RALGDS: variants seen among roughly 807,000 people sequenced by gnomAD.
RALGDS encodes the protein ral guanine nucleotide dissociation stimulator.
RALGDS carries 44 observed loss-of-function variants against 99.8 expected under a neutral mutation model. The observed-to-expected ratio is 0.44, with a 90% CI of 0.35 to 0.57. RALGDS has a LOEUF of 0.57. Among genes scored for constraint, RALGDS ranks in the 20% least tolerant of loss-of-function variants. RALGDS has a pLI of 0.01. For synonymous variants in RALGDS, 529 were observed against 505.0 expected (o/e 1.05, Z -0.64); for missense variants, 1,022 against 1,203.1 (o/e 0.85, Z 2.23).
Position 133,102,715 on chromosome 9 carries a change from C to T in RALGDS, c.1913+64G>A, listed in dbSNP as rs1217256260. 4.4e-6 allele frequency: 7 copies of T among 1,602,508 alleles called. No homozygotes were observed. In the African/African-American group the frequency reaches 6.7e-5, roughly 15 times the overall value. On this transcript the variant is annotated intron_variant, in intron 13 of 17. Coordinates refer to ENST00000372050, the MANE Select transcript of RALGDS (RefSeq NM_006266.4). ...CTGACCATGGGTCATAGCTGCTGGCCCTCTGGAGCTGGCCCCCTAGGACAG... is the reference window on the plus strand; with the variant it reads ...CTGACCATGGGTCATAGCTGCTGGCTCTCTGGAGCTGGCCCCCTAGGACAG...
At chr9:133,141,884 C>T (rs759098776) in intron 1 of RALGDS, among the ~76,000 whole-genome samples, 39 of 152,254 alleles carry the variant, frequency 2.6e-4, no homozygotes, top group Admixed American at 8.5e-4. Context: ...GTCCCCTGTT[C>T]CAAGGGCTGT....
At chr9:133,101,426 A>G in intron 16 of RALGDS, 94 bp downstream of exon 16, 1 of 1,596,410 alleles carries the variant, frequency 6.3e-7, no homozygotes, top group East Asian at 2.2e-5. Flanking sequence ...GCCAACTACA[A>G]GGTAGACCCC....
At chr9:133,106,977 T>C in intron 7 of RALGDS, 108 bp downstream of exon 7, 1 of 1,248,898 alleles carries the variant, frequency 8.0e-7, no homozygotes, top group South Asian at 1.2e-5. Context: ...AAGGCCAGCA[T>C]GCCCCTGGGA....
At chr9:133,100,110 A>T in intron 17 of RALGDS, 158 bp downstream of exon 17, 1 of 749,040 alleles carries the variant, frequency 1.3e-6, no homozygotes, top group Non-Finnish European at 2.4e-6. Flanking sequence ...GTTGCTGGGG[A>T]CAGCAAGCAG....
upstream of RALGDS, among the ~76,000 whole-genome samples, chr9:133,122,707 ATG>A (rs1333870806): frequency 1.3e-5 from 2 of 152,198 alleles, no homozygotes; most frequent in African/African-American, 4.8e-5. Flanking sequence ...AATCAGCTCT[ATG>A]TGATAAATGC....
intron 1 of RALGDS, 114 bp downstream of exon 1, chr9:133,120,858 G>T: frequency 1.7e-6 from 2 of 1,191,990 alleles, no homozygotes; most frequent in South Asian, 1.9e-5. Flanking sequence ...AGAGGAGGGA[G>T]GCGGCCCGCT....
At chr9:133,136,010 T>G (rs1276604883), upstream of RALGDS, among the ~76,000 whole-genome samples, 3 of 152,136 alleles carry the variant, frequency 2.0e-5, no homozygotes, top group African/African-American at 7.2e-5. Context: ...GTAACAGAGT[T>G]TGTAGCCTGC....
At chr9:133,120,428 A>ACCCCCC (rs71378548) in intron 1 of RALGDS, among the ~76,000 whole-genome samples, 21 of 60,024 alleles carry the variant, frequency 3.5e-4, no homozygotes, top group Admixed American at 8.5e-4. Flanking sequence ...CCATCCCCCG[A>ACCCCCC]CCCCCCCCCC....
At chr9:133,141,001 A>C (rs1346492131) in intron 1 of RALGDS, among the ~76,000 whole-genome samples, 25 of 152,130 alleles carry the variant, frequency 1.6e-4, no homozygotes, top group Admixed American at 1.6e-3. Context: ...CCCCAAGTGA[A>C]CATACGAGCC....
In RALGDS at chr9:133,102,855, T is replaced by G; in HGVS notation, c.1837A>C (p.Asn613His). The change falls in exon 13 of 18, where the codon AAC becomes CAC. Residue 613 changes from asparagine to histidine, a missense_variant. Physicochemically the swap from Asn to His is moderately conservative, Grantham distance 68. This residue lies in a region of RALGDS where 825 missense variants were observed against 994.5 expected (regional missense o/e 0.83). Coordinates refer to ENST00000372050, the MANE Select transcript of RALGDS (RefSeq NM_006266.4). ...TCATCTGGCGCGATGCTGTAGTTGTTGCAGGCCGACTGCAGCAGCTTGATC... is the reference window on the plus strand; with the variant it reads ...TCATCTGGCGCGATGCTGTAGTTGTGGCAGGCCGACTGCAGCAGCTTGATC... ...AQIKLLQSAC[N>H]NYSIAPDEQF... The G allele has an allele frequency of 6.2e-7, 1 of 1,613,714 alleles. No homozygotes were observed. The highest frequency in any genetic ancestry group is 1.3e-5 in the African/African-American group (1 of 75,070).
chr9:133,137,583 A>G (rs897832518), intron 1 of RALGDS, among the ~76,000 whole-genome samples: 1 of 152,226 alleles, frequency 6.6e-6, no homozygotes, highest in Non-Finnish European at 1.5e-5. Context: ...CCCCCCAGGA[A>G]CCAGGCTGAG....
intron 1 of RALGDS, chr9:133,129,449 C>T: frequency 7.2e-7 from 1 of 1,388,912 alleles, no homozygotes; most frequent in Non-Finnish European, 9.3e-7. Flanking sequence ...GGCTGTCATA[C>T]CTGCTGCTGT....
intron 1 of RALGDS, among the ~76,000 whole-genome samples, chr9:133,128,688 GCT>G (rs2119242984): frequency 6.6e-6 from 1 of 152,314 alleles, no homozygotes; most frequent in East Asian, 1.9e-4. Context: ...TCCAGTGCCT[GCT>G]CTGTGTCTTC....
In RALGDS at chr9:133,131,072, C is replaced by T. The variant is rs760662249; in HGVS notation, c.12G>A (p.Trp4Ter). 234 of 1,504,976 alleles carry T rather than the reference C, an allele frequency of 1.6e-4. No individual in the cohort carries two copies. The African/African-American group carries it at 2.7e-3, about 18-fold the overall frequency. 93.2% of individuals were successfully genotyped at this position (1,504,976 alleles called of 1,614,324 possible). The change falls in exon 1 of 18, where the codon TGG (tryptophan) becomes TGA (stop). Residue 4 changes from tryptophan (W) to a stop codon, truncating the protein, a stop_gained. Coordinates refer to the RALGDS transcript ENST00000372062. LOFTEE classifies it high-confidence loss of function. ...TGTGGGCAGGGGCTGTGGAGTGCCC[C>T]CACAGGCACATCAGGCCCTGGGGCC...
At chr9:133,131,923 G>A (rs577692621), upstream of RALGDS, among the ~76,000 whole-genome samples, 5 of 152,340 alleles carry the variant, frequency 3.3e-5, no homozygotes, top group African/African-American at 9.6e-5. Context: ...CGTGCTTGGC[G>A]GATGTGCAAT....
upstream of RALGDS, among the ~76,000 whole-genome samples, chr9:133,125,142 A>T (rs960734069): frequency 6.6e-5 from 10 of 152,140 alleles, no homozygotes; most frequent in Non-Finnish European, 1.5e-4. Flanking sequence ...ACAACTGTTT[A>T]AAAAAAACAA....
rs559655866 is a variant in RALGDS, at chr9:133,098,335, C to T, written c.*252G>A. ...CACCATGCCATGCCCGTTGGCACTG[C>T]TCCTTGGCAAAAGTCAGCTAGTCCT... On this transcript the variant is annotated 3_prime_UTR_variant, in exon 18 of 18. Transcript: ENST00000372050. The T allele has an allele frequency of 2.7e-5, 15 of 545,924 alleles. No homozygotes were observed. Among genetic ancestry groups the T allele is most frequent in the Admixed American group, 6.2e-5 (2 of 32,022 alleles). The allele number at this position is 545,924 out of a possible 1,614,324, so 33.8% of individuals were successfully genotyped here.
At chr9:133,139,469 T>C (rs1294983053) in intron 1 of RALGDS, among the ~76,000 whole-genome samples, 2 of 152,090 alleles carry the variant, frequency 1.3e-5, no homozygotes, top group Non-Finnish European at 2.9e-5. Flanking sequence ...ACCTGCCCAC[T>C]ACCCCCAGCT....
At position 133,103,763 on chromosome 9, in the gene RALGDS, A is replaced by C; in HGVS notation, c.1742T>G (p.Met581Arg). ...CACACTCACATACAGATAGTCCTTC[A>C]TGGCAGTGTCCAGCATCACCAGGTC... ...LTDLVMLDTA[M>R]KDYLYGRLIN... Residue 581 changes from methionine to arginine, a missense_variant, in exon 11 of 18, where the codon ATG (methionine) becomes AGG (arginine). Met to Arg is a moderately conservative substitution (Grantham distance 91). This residue lies in a region of RALGDS where 825 missense variants were observed against 994.5 expected (regional missense o/e 0.83). Transcript: ENST00000372050. 6.2e-7 allele frequency: 1 copy of C among 1,613,208 alleles called. No individual in the cohort carries two copies. Among genetic ancestry groups the C allele is most frequent in the Non-Finnish European group, 8.5e-7 (1 of 1,179,852 alleles).
Sources: gnomAD v4.1 joint callset for allele counts (sites outside exome capture counted in the v4.1 genomes callset) on GRCh38, gnomAD v4.1.1 for gene constraint, gnomAD v4.1.1 regional missense constraint, MANE v1.5 for transcripts, NCBI Gene and HGNC (gene_info 2026-07-23, HGNC 2026-07-21) for gene names.